SLC4A8: variants seen among roughly 807,000 people sequenced by gnomAD.
The protein encoded by SLC4A8 is solute carrier family 4 member 8.
Under a neutral mutation model 125.0 loss-of-function variants are expected in SLC4A8, and 40 were observed. The ratio of observed to expected loss-of-function variants is 0.32; its 90% CI spans 0.25 to 0.42. The LOEUF is 0.42. Ranked by LOEUF, SLC4A8 falls within the 10% of genes least tolerant of loss-of-function variation. The pLI is 1.00. For synonymous variants in SLC4A8, 456 were observed against 476.0 expected (o/e 0.96, Z 0.55); for missense variants, 863 against 1,355.1 (o/e 0.64, Z 5.70).
intron 23 of SLC4A8, among the ~76,000 whole-genome samples, chr12:51,504,900 T>C (rs1289074479): frequency 6.6e-6 from 1 of 152,182 alleles, no homozygotes; most frequent in African/African-American, 2.4e-5. Flanking sequence ...GAGATACACA[T>C]AGCACTTGTG....
chr12:51,494,173 T>C (rs1951397726), intron 20 of SLC4A8, among the ~76,000 whole-genome samples: 1 of 152,156 alleles, frequency 6.6e-6, no homozygotes, highest in Non-Finnish European at 1.5e-5. Flanking sequence ...ATGGGGTGTT[T>C]AACTTTGGGA....
At position 51,510,599 on chromosome 12, in the gene SLC4A8, C is replaced by G. The variant is rs959869526; in HGVS notation, c.*3161C>G. On this transcript the variant is annotated 3_prime_UTR_variant, in exon 25 of 25. Transcript: ENST00000453097. ...AAGTACACTGTATCAAACTTGCCGTCTGTAAGATGCAAGATCAATCTAGTG... is the reference window on the plus strand; with the variant it reads ...AAGTACACTGTATCAAACTTGCCGTGTGTAAGATGCAAGATCAATCTAGTG... 7.2e-5 allele frequency: 11 copies of G among 152,206 alleles called. No individual in the cohort carries two copies. Among genetic ancestry groups the G allele is most frequent in the African/African-American group, 2.7e-4 (11 of 41,450 alleles). 9.4% of individuals were successfully genotyped at this position (152,206 alleles called of 1,614,324 possible).
intron 1 of SLC4A8, among the ~76,000 whole-genome samples, chr12:51,404,715 A>C (rs1013979180): frequency 6.6e-6 from 1 of 151,910 alleles, no homozygotes; most frequent in African/African-American, 2.4e-5. Context: ...GAATGAGAGG[A>C]CTCCAGTGAT....
chr12:51,458,305 T>A (rs1474728525), intron 6 of SLC4A8, among the ~76,000 whole-genome samples: 1 of 152,202 alleles, frequency 6.6e-6, no homozygotes, highest in East Asian at 1.9e-4. Context: ...GATTACTGCC[T>A]TAATAGAGAA....
intron 2 of SLC4A8, among the ~76,000 whole-genome samples, chr12:51,445,410 C>G (rs546704566): frequency 2.0e-4 from 31 of 152,256 alleles, no homozygotes; most frequent in South Asian, 4.2e-4. Flanking sequence ...GCAAGTGATC[C>G]TCCTTCCTTA....
intron 1 of SLC4A8, among the ~76,000 whole-genome samples, chr12:51,401,317 A>G (rs1383842233): frequency 1.3e-5 from 2 of 152,052 alleles, no homozygotes; most frequent in African/African-American, 4.8e-5. Flanking sequence ...GAAAAATCAG[A>G]TCATATGTGG....
chr12:51,424,010 T>G (rs1157834537), upstream of SLC4A8, among the ~76,000 whole-genome samples: 1 of 109,700 alleles, frequency 9.1e-6, no homozygotes, highest in East Asian at 2.8e-4. Flanking sequence ...CACTCCAGCC[T>G]GGGCAACAAG....
intron 1 of SLC4A8, among the ~76,000 whole-genome samples, chr12:51,397,547 A>G (rs1256933764): frequency 1.3e-5 from 2 of 152,166 alleles, no homozygotes; most frequent in South Asian, 2.1e-4. Flanking sequence ...TCCAAATATC[A>G]CATTTTCAAT....
intron 1 of SLC4A8, among the ~76,000 whole-genome samples, chr12:51,413,735 T>C (rs1948634341): frequency 6.6e-6 from 1 of 152,192 alleles, no homozygotes; most frequent in South Asian, 2.1e-4. Flanking sequence ...GCTGTAAATA[T>C]GTGGATTTAT....
chr12:51,399,865 C>T (rs901499202), intron 1 of SLC4A8, among the ~76,000 whole-genome samples: 1 of 152,080 alleles, frequency 6.6e-6, no homozygotes, highest in African/African-American at 2.4e-5. Flanking sequence ...TCCTATAATC[C>T]CAGCTACTTG....
At chr12:51,425,605 G>C (rs1948945243) in intron 1 of SLC4A8, among the ~76,000 whole-genome samples, 1 of 152,158 alleles carries the variant, frequency 6.6e-6, no homozygotes, top group Non-Finnish European at 1.5e-5. Flanking sequence ...CTGGGCTGAG[G>C]ATGTGTGGAG....
rs1419387367 is a variant in SLC4A8, at chr12:51,400,695, C to T, written c.-112+9207C>T. 4.9e-5 allele frequency among the ~76,000 whole-genome samples: 6 copies of T among 122,506 alleles called. 1 individual carries two copies. In the South Asian group the frequency reaches 1.1e-3, roughly 22 times the overall value. 80.4% of individuals were successfully genotyped at this position (122,506 alleles called of 152,430 possible). On this transcript the variant is annotated intron_variant, in intron 1 of 24. Transcript: ENST00000358657. Reference sequence around the variant, plus strand: ...TTTATATGACATAACTTTTTTCCAACGGTACTTGAGAGGAGTGTGAATGAA... The same window carrying T: ...TTTATATGACATAACTTTTTTCCAATGGTACTTGAGAGGAGTGTGAATGAA...
intron 1 of SLC4A8, among the ~76,000 whole-genome samples, chr12:51,401,270 G>T (rs1384751059): frequency 6.6e-6 from 1 of 152,144 alleles, no homozygotes. Context: ...CTTATCGCGA[G>T]GTTTTCTGTA....
chr12:51,445,732 T>C (rs894312044), intron 2 of SLC4A8, among the ~76,000 whole-genome samples: 3 of 152,182 alleles, frequency 2.0e-5, no homozygotes, highest in Admixed American at 6.5e-5. Flanking sequence ...ATGTCCCCTC[T>C]AATCATCTTA....
At position 51,514,824 on chromosome 12, in the gene SLC4A8, A is replaced by G. The variant is rs1478895499; in HGVS notation, c.*7386A>G. The G allele has an allele frequency of 1.3e-5, 2 of 152,206 alleles. No homozygotes were observed. Among genetic ancestry groups the G allele is most frequent in the Non-Finnish European group, 2.9e-5 (2 of 68,038 alleles). 9.4% of individuals were successfully genotyped at this position (152,206 alleles called of 1,614,324 possible). A position where few individuals can be genotyped will look rare whatever the true frequency, so the allele number is the denominator to read the frequency against. ...ACCAAAAGAGATGTAAAGGAAGTAT[A>G]TTACTGCTTGAAGTGTGAAAAGAGG... On this transcript the variant is annotated 3_prime_UTR_variant, in exon 25 of 25. Transcript: ENST00000453097.
intron 1 of SLC4A8, among the ~76,000 whole-genome samples, chr12:51,432,974 A>G (rs1319406928): frequency 6.6e-6 from 1 of 152,166 alleles, no homozygotes; most frequent in Non-Finnish European, 1.5e-5. Context: ...GGGCAGGTCC[A>G]CCACCACGCA....
At chr12:51,491,778 C>CACACACACACACA (rs3028941) in intron 19 of SLC4A8, among the ~76,000 whole-genome samples, 2 of 150,250 alleles carry the variant, frequency 1.3e-5, no homozygotes, top group African/African-American at 4.9e-5. Flanking sequence ...CACACACACA[C>CACACACACACACA]CCCTCTTTAA....
Position 51,474,408 on chromosome 12 carries a change from C to T in SLC4A8, c.1971C>T (p.Ile657=), listed in dbSNP as rs1293063231. The T allele has an allele frequency of 3.7e-6, 6 of 1,613,512 alleles. No individual in the cohort carries two copies. The highest frequency in any genetic ancestry group is 2.2e-5 in the East Asian group (1 of 44,882). Residue 657 remains isoleucine, a synonymous_variant, in exon 15 of 25, where the codon ATC becomes ATT. Coordinates refer to ENST00000453097, the MANE Select transcript of SLC4A8 (RefSeq NM_001039960.3). ...HTLQYWKDHN[I]VTAEVHWANL... ...TCCAGTACTGGAAGGACCACAACATCGTGACAGCAGAAGTCCACTGGGCTA... is the reference window on the plus strand; with the variant it reads ...TCCAGTACTGGAAGGACCACAACATTGTGACAGCAGAAGTCCACTGGGCTA...
At chr12:51,443,342 A>C (rs1478476185) in intron 2 of SLC4A8, among the ~76,000 whole-genome samples, 1 of 152,252 alleles carries the variant, frequency 6.6e-6, no homozygotes, top group African/African-American at 2.4e-5. Flanking sequence ...ACATTGTTAG[A>C]AACTTTGTAA....
Sources: gnomAD v4.1 joint callset for allele counts (sites outside exome capture counted in the v4.1 genomes callset) on GRCh38, gnomAD v4.1.1 for gene constraint, MANE v1.5 for transcripts, NCBI Gene and HGNC (gene_info 2026-07-23, HGNC 2026-07-21) for gene names.